Variants in CFAP144 observed in about 807,000 individuals in gnomAD.
CFAP144 encodes cilia- and flagella-associated protein 144.
chr1:43,150,726 A>G, the CFAP144 span: 48 of 1,570,404 alleles, frequency 3.1e-5, no homozygotes, highest in East Asian at 3.0e-4. Flanking sequence ...TCATGTTTTA[A>G]TCTGAACTTG....
the CFAP144 span, among the ~76,000 whole-genome samples, chr1:43,153,160 G>A: frequency 6.6e-6 from 1 of 152,170 alleles, no homozygotes; most frequent in African/African-American, 2.4e-5. Context: ...GGTGATATTT[G>A]TGCAGTACCT....
the CFAP144 span, among the ~76,000 whole-genome samples, chr1:43,151,657 G>A: frequency 3.3e-5 from 5 of 152,202 alleles, no homozygotes; most frequent in African/African-American, 1.2e-4. Context: ...GGGAGTGAGA[G>A]AGGAGAGATA....
At chr1:43,156,346 A>G in the CFAP144 span, 1 of 1,509,428 alleles carries the variant, frequency 6.6e-7, no homozygotes, top group African/African-American at 1.4e-5. Flanking sequence ...TGTGGATCTA[A>G]TGCCTTAAGT....
At chr1:43,154,062 G>GTATATATATATATATA in the CFAP144 span, among the ~76,000 whole-genome samples, 3 of 83,666 alleles carry the variant, frequency 3.6e-5, no homozygotes, top group Non-Finnish European at 4.8e-5. Context: ...ATATGTGTGT[G>GTATATATATATATATA]TATATATATA....
chr1:43,150,691 G>A, the CFAP144 span: 1 of 1,390,764 alleles, frequency 7.2e-7, no homozygotes, highest in Non-Finnish European at 1.0e-6. Context: ...CCTGTTTAAG[G>A]TGGACCTTAG....
chr1:43,145,296 G>A, the CFAP144 span: 2 of 1,549,154 alleles, frequency 1.3e-6, no homozygotes, highest in Admixed American at 2.0e-5. Flanking sequence ...GTTCTCTGGA[G>A]GGTAAGTCTT....
the CFAP144 span, chr1:43,147,879 T>C: frequency 1.3e-6 from 2 of 1,583,552 alleles, no homozygotes; most frequent in Middle Eastern, 1.7e-4. Context: ...CGCCGTTGCC[T>C]GGAGACAGCG....
At chr1:43,144,711 C>T in the CFAP144 span, among the ~76,000 whole-genome samples, 6 of 152,104 alleles carry the variant, frequency 3.9e-5, no homozygotes, top group South Asian at 2.1e-4. Flanking sequence ...GGTTTTAAAC[C>T]GTGCATCTGC....
chr1:43,147,064 C>G, the CFAP144 span, among the ~76,000 whole-genome samples: 1 of 152,150 alleles, frequency 6.6e-6, no homozygotes, highest in African/African-American at 2.4e-5. Context: ...AAGCTGGTCT[C>G]GAACTCCTGA....
the CFAP144 span, among the ~76,000 whole-genome samples, chr1:43,144,867 C>G: frequency 6.6e-6 from 1 of 152,182 alleles, no homozygotes; most frequent in African/African-American, 2.4e-5. Flanking sequence ...ATTCACAGCT[C>G]TCATCCTGGA....
At chr1:43,144,811 C>T in the CFAP144 span, among the ~76,000 whole-genome samples, 1,857 of 152,244 alleles carry the variant, frequency 0.012, 31 homozygotes, top group African/African-American at 0.043. Flanking sequence ...ATCCCCTGTA[C>T]TCTAGCTCCC....
At chr1:43,155,052 T>C in the CFAP144 span, among the ~76,000 whole-genome samples, 2 of 152,112 alleles carry the variant, frequency 1.3e-5, no homozygotes, top group Non-Finnish European at 2.9e-5. Context: ...CTTAGCAGGA[T>C]TTTTGCTAGA....
the CFAP144 span, among the ~76,000 whole-genome samples, chr1:43,151,460 A>G: frequency 6.6e-6 from 1 of 152,234 alleles, no homozygotes; most frequent in African/African-American, 2.4e-5. Flanking sequence ...AGAACAGCAT[A>G]GGAAACAGGT....
the CFAP144 span, among the ~76,000 whole-genome samples, chr1:43,154,138 T>A: frequency 2.8e-5 from 4 of 141,314 alleles, no homozygotes; most frequent in South Asian, 2.2e-4. Context: ...TTCTCCCTTT[T>A]TATATATATA....
the CFAP144 span, chr1:43,148,077 C>A: frequency 6.2e-7 from 1 of 1,612,882 alleles, no homozygotes; most frequent in Non-Finnish European, 8.5e-7. Flanking sequence ...TGAATCCCCT[C>A]CGCAAGAGTG....
chr1:43,154,974 G>A, the CFAP144 span, among the ~76,000 whole-genome samples: 1 of 152,190 alleles, frequency 6.6e-6, no homozygotes. Flanking sequence ...GAGTGGTGGA[G>A]GATGGGGAAC....
chr1:43,150,297 C>G, the CFAP144 span, among the ~76,000 whole-genome samples: 1 of 152,300 alleles, frequency 6.6e-6, no homozygotes, highest in Admixed American at 6.5e-5. Flanking sequence ...GGGTGCTGCT[C>G]CTCTGTTACC....
chr1:43,153,312 T>TA, the CFAP144 span, among the ~76,000 whole-genome samples: 1 of 152,044 alleles, frequency 6.6e-6, no homozygotes, highest in Non-Finnish European at 1.5e-5. Context: ...TCCTTATCCA[T>TA]AAAAAATGGA....
the CFAP144 span, among the ~76,000 whole-genome samples, chr1:43,154,100 A>G: frequency 3.3e-3 from 313 of 95,508 alleles, 2 homozygotes; most frequent in African/African-American, 0.011. Context: ...ATATATATAT[A>G]CTCTCTTTTT....
Sources: gnomAD v4.1 joint callset for allele counts (sites outside exome capture counted in the v4.1 genomes callset) on GRCh38, gnomAD v4.1.1 for gene constraint, MANE v1.5 for transcripts, NCBI Gene and HGNC (gene_info 2026-07-23, HGNC 2026-07-21) for gene names.